FAM133B: variants seen among roughly 807,000 people sequenced by gnomAD.
FAM133B encodes the protein family with sequence similarity 133 member B.
FAM133B carries 25 observed loss-of-function variants against 46.4 expected under a neutral mutation model. The observed-to-expected ratio is 0.54, with a 90% CI of 0.39 to 0.75. FAM133B has a LOEUF of 0.75. Among genes scored for constraint, FAM133B ranks in the 30% least tolerant of loss-of-function variants. The pLI is 0.00. For missense variants in FAM133B, 205 were observed against 277.6 expected (o/e 0.74, Z 1.86); for synonymous variants, 75 against 86.0 (o/e 0.87, Z 0.71).
At chr7:92,582,217 C>A (rs1794900557) in intron 1 of FAM133B, among the ~76,000 whole-genome samples, 2 of 151,654 alleles carry the variant, frequency 1.3e-5, no homozygotes, top group Admixed American at 1.3e-4. Flanking sequence ...CCACTGCACT[C>A]CAGCCTGGGC....
At position 92,578,170 on chromosome 7, in the gene FAM133B, CTTT is replaced by C. The variant is rs773105965; in HGVS notation, c.286_288del (p.Lys96del). ...CTCACCCTACCAGATTTCTTCTTTT[CTTT>C]TTTCTTTCTCTAAATGGAAACAAAA... On this transcript the variant is annotated inframe_deletion, in exon 5 of 11. Transcript: ENST00000445716. 1 of 1,610,294 alleles carries C rather than the reference CTTT, an allele frequency of 6.2e-7. No homozygotes were observed. Among genetic ancestry groups the C allele is most frequent in the South Asian group, 1.1e-5 (1 of 89,984 alleles).
chr7:92,563,108 A>G (rs1344177520), intron 10 of FAM133B, among the ~76,000 whole-genome samples: 1 of 152,200 alleles, frequency 6.6e-6, no homozygotes, highest in Non-Finnish European at 1.5e-5. Context: ...GTACCAAATG[A>G]GAGACTGCTG....
intron 10 of FAM133B, among the ~76,000 whole-genome samples, chr7:92,563,361 T>C (rs761794473): frequency 4.6e-5 from 7 of 152,202 alleles, no homozygotes; most frequent in Non-Finnish European, 8.8e-5. Context: ...CTTTTAAAAC[T>C]AAGTTTTGGG....
intron 8 of FAM133B, 102 bp from the exon 9 acceptor site, chr7:92,570,017 AT>A: frequency 2.1e-6 from 1 of 476,688 alleles, no homozygotes; most frequent in Non-Finnish European, 3.5e-6. Context: ...ATAATTACCC[AT>A]TTTTATTTTA....
rs1302208519 is a variant in FAM133B at position 92,566,047 on chromosome 7, C to CT, written c.623dup (p.Lys209GlufsTer5). Reference sequence around the variant, plus strand: ...TTTCTCGTTCTTCACTGCTTTTCTTCTTTTTTGCTCGCACCTAGAAAGTTT... The same window carrying CT: ...TTTCTCGTTCTTCACTGCTTTTCTTCTTTTTTTGCTCGCACCTAGAAAGTTT... On this transcript the variant is annotated frameshift_variant, in exon 10 of 11. Transcript: ENST00000445716. LOFTEE classifies it high-confidence loss of function. The CT allele has an allele frequency of 1.9e-6, 3 of 1,613,688 alleles. No individual in the cohort carries two copies. The highest frequency in any genetic ancestry group is 2.5e-6 in the Non-Finnish European group (3 of 1,179,822).
chr7:92,590,122 T>C, intron 1 of FAM133B, 146 bp downstream of exon 1: 1 of 1,205,966 alleles, frequency 8.3e-7, no homozygotes, highest in Non-Finnish European at 1.2e-6. Flanking sequence ...CACGCGCATC[T>C]GGGATCGGCG....
At chr7:92,581,749 A>C in intron 1 of FAM133B, 146 bp from the exon 2 acceptor site, 1 of 618,696 alleles carries the variant, frequency 1.6e-6, no homozygotes, top group Non-Finnish European at 2.8e-6. Context: ...TATTCTAAAA[A>C]AATTAATTTA....
intron 1 of FAM133B, among the ~76,000 whole-genome samples, chr7:92,582,297 ACATAAAT>A (rs1794908203): frequency 1.0e-4 from 15 of 149,578 alleles, no homozygotes; most frequent in African/African-American, 3.0e-4. Context: ...ACATAACATA[ACATAAAT>A]AACATAAAAT....
chr7:92,585,589 AAATG>A (rs780056079), intron 1 of FAM133B, among the ~76,000 whole-genome samples: 3 of 152,224 alleles, frequency 2.0e-5, no homozygotes, highest in Non-Finnish European at 2.9e-5. Flanking sequence ...GTAGCTACTA[AAATG>A]AATGAAGTAG....
chr7:92,568,291 T>C (rs1438203694), intron 9 of FAM133B, among the ~76,000 whole-genome samples: 1 of 151,996 alleles, frequency 6.6e-6, no homozygotes, highest in Non-Finnish European at 1.5e-5. Flanking sequence ...GAAGGGCGTA[T>C]GTAATATACA....
At chr7:92,573,353 C>A (rs1794594904) in intron 8 of FAM133B, among the ~76,000 whole-genome samples, 1 of 151,754 alleles carries the variant, frequency 6.6e-6, no homozygotes, top group Non-Finnish European at 1.5e-5. Context: ...TGGCCTCTCA[C>A]TATGTTGCCC....
At chr7:92,577,353 G>T in intron 6 of FAM133B, 158 bp from the exon 7 acceptor site, 1 of 479,266 alleles carries the variant, frequency 2.1e-6, no homozygotes, top group Non-Finnish European at 3.6e-6. Context: ...CTGTTATAAA[G>T]ATCAAGTGAT....
intron 1 of FAM133B, 178 bp downstream of exon 1, chr7:92,590,090 A>G (rs1795154141): frequency 1.2e-6 from 1 of 809,718 alleles, no homozygotes; most frequent in Non-Finnish European, 1.9e-6. Context: ...GGAACCCTAA[A>G]GCGCCAACTG....
chr7:92,585,988 GT>G (rs1413428574), intron 1 of FAM133B, among the ~76,000 whole-genome samples: 2 of 152,114 alleles, frequency 1.3e-5, no homozygotes, highest in African/African-American at 4.8e-5. Context: ...CATTTACCAT[GT>G]TTTACAGTCT....
At chr7:92,589,879 G>C (rs542271610) in intron 1 of FAM133B, 103 of 218,856 alleles carry the variant, frequency 4.7e-4, no homozygotes, top group African/African-American at 2.2e-3. Context: ...CCGATACCAA[G>C]GGGCGGGTGA....
chr7:92,578,125 A>G lies in FAM133B; in HGVS notation c.309+25T>C. 3 of 1,597,380 alleles carry G rather than the reference A, an allele frequency of 1.9e-6. No homozygotes were observed. The African/African-American group carries it at 4.0e-5, about 22-fold the overall frequency. On this transcript the variant is annotated intron_variant, in intron 5 of 10. Transcript: ENST00000445716. ...TTGTTGGCTCTTAATTGTAACGTTT[A>G]GAAAAATGGAAAATTTTTGCTCACC...
intron 1 of FAM133B, among the ~76,000 whole-genome samples, chr7:92,588,273 T>C (rs1282195449): frequency 6.6e-6 from 1 of 152,204 alleles, no homozygotes; most frequent in East Asian, 1.9e-4. Flanking sequence ...GTTTTTCAAA[T>C]GTTTTAGAGG....
At chr7:92,585,435 G>A in intron 1 of FAM133B, 1 of 886,496 alleles carries the variant, frequency 1.1e-6, no homozygotes, top group Non-Finnish European at 1.4e-6. Context: ...TGTAAAAACT[G>A]TTTATTTCCA....
chr7:92,563,926 C>G (rs973418773), intron 10 of FAM133B, among the ~76,000 whole-genome samples: 1 of 152,216 alleles, frequency 6.6e-6, no homozygotes, highest in African/African-American at 2.4e-5. Context: ...GTACAAACAT[C>G]ATTCCTCACT....
Sources: gnomAD v4.1 joint callset for allele counts (sites outside exome capture counted in the v4.1 genomes callset) on GRCh38, gnomAD v4.1.1 for gene constraint, MANE v1.5 for transcripts, NCBI Gene and HGNC (gene_info 2026-07-23, HGNC 2026-07-21) for gene names.